The following CCDC181 variants were observed in gnomAD, a reference collection of about 807,000 sequenced individuals.
The protein encoded by CCDC181 is coiled-coil domain containing 181.
A neutral mutation model predicts 58.7 loss-of-function variants in CCDC181; 35 were observed. That is an observed-to-expected ratio of 0.60 (90% CI 0.46 to 0.79). The LOEUF is 0.79. Among genes scored for constraint, CCDC181 ranks in the 30% least tolerant of loss-of-function variants. CCDC181 has a pLI of 0.00. For synonymous variants in CCDC181, 183 were observed against 197.5 expected (o/e 0.93, Z 0.62); for missense variants, 517 against 583.9 (o/e 0.89, Z 1.18).
At chr1:169,458,951 T>A (rs1056676066) in intron 2 of CCDC181, among the ~76,000 whole-genome samples, 2 of 152,030 alleles carry the variant, frequency 1.3e-5, no homozygotes, top group African/African-American at 4.8e-5. Context: ...TGTGGTTTCT[T>A]GGGGGTTGTA....
At chr1:169,417,225 C>T (rs1335897288) in intron 4 of CCDC181, among the ~76,000 whole-genome samples, 2 of 152,122 alleles carry the variant, frequency 1.3e-5, no homozygotes, top group Non-Finnish European at 2.9e-5. Context: ...AGGGCTCAAT[C>T]CCTCAAGATT....
chr1:169,398,578 C>G (rs1344570161), intron 4 of CCDC181, among the ~76,000 whole-genome samples: 1 of 138,998 alleles, frequency 7.2e-6, no homozygotes, highest in East Asian at 2.5e-4. Flanking sequence ...AAGGTTCCCT[C>G]TCTCACACAT....
At chr1:169,420,511 G>C (rs1656408797) in intron 3 of CCDC181, among the ~76,000 whole-genome samples, 1 of 151,602 alleles carries the variant, frequency 6.6e-6, no homozygotes. Context: ...CCAGAGAACT[G>C]GAAATTTTTA....
intron 2 of CCDC181, among the ~76,000 whole-genome samples, chr1:169,457,527 A>G (rs1481125919): frequency 2.0e-5 from 3 of 152,174 alleles, no homozygotes; most frequent in Non-Finnish European, 4.4e-5. Context: ...CAATTTTACC[A>G]TAGGCTAATT....
At chr1:169,402,575 G>A (rs1441183107) in intron 4 of CCDC181, among the ~76,000 whole-genome samples, 1 of 152,080 alleles carries the variant, frequency 6.6e-6, no homozygotes, top group Non-Finnish European at 1.5e-5. Context: ...AAGTGAAGGA[G>A]AAATAAAATA....
At chr1:169,436,638 CA>C (rs1657062144) in intron 2 of CCDC181, among the ~76,000 whole-genome samples, 1 of 152,178 alleles carries the variant, frequency 6.6e-6, no homozygotes, top group Non-Finnish European at 1.5e-5. Flanking sequence ...CATTAAATTG[CA>C]ATATCGTACA....
chr1:169,432,492 A>G (rs954608912), intron 2 of CCDC181, among the ~76,000 whole-genome samples: 41 of 152,162 alleles, frequency 2.7e-4, no homozygotes, highest in Admixed American at 3.3e-4. Flanking sequence ...CAGAAGCTCA[A>G]TGTACTCCAA....
chr1:169,460,529 A>T (rs1356923751), exon 1 of CCDC181: 1 of 152,352 alleles, frequency 6.6e-6, no homozygotes, highest in Non-Finnish European at 1.5e-5. Context: ...GCACGCGGAG[A>T]AGGGGTAGGT....
chr1:169,421,519 A>G lies in CCDC181; in HGVS notation c.912T>C (p.Ser304=), dbSNP rs1194945666. The part of the protein sequence containing the change: ...PPLNRKTCPS[S]AVNSDRSKGN... ...CTTTACTTCGATCTGAGTTGACAGC[A>G]GAGCTTGGACAAGTCTTGCGGTTGA... The change falls in exon 3 of 6, where the codon TCT becomes TCC. Residue 304 remains serine, a synonymous_variant. Coordinates refer to ENST00000367806, the MANE Select transcript of CCDC181 (RefSeq NM_001300969.2). The G allele has an allele frequency of 6.2e-7, 1 of 1,614,140 alleles. No individual in the cohort carries two copies. Among genetic ancestry groups the G allele is most frequent in the East Asian group, 2.2e-5 (1 of 44,880 alleles).
intron 4 of CCDC181, 64 bp from the exon 5 acceptor site, chr1:169,397,455 T>C (rs1655113068): frequency 1.5e-6 from 2 of 1,374,044 alleles, no homozygotes; most frequent in East Asian, 2.4e-5. Flanking sequence ...AAGCCCTGCT[T>C]ATGGGATCCT....
chr1:169,401,335 A>G lies in CCDC181; in HGVS notation c.1216-3944T>C, dbSNP rs1655336297. Among the ~76,000 whole-genome samples, 4 of 152,218 alleles carry G rather than the reference A, an allele frequency of 2.6e-5. No homozygotes were observed. In the South Asian group the frequency reaches 8.3e-4, roughly 31 times the overall value. ...CAGCACGGAGTTTGAGATCTGAGAAAGGACAGACTGCCTCCTCAAGTGGGT... is the reference window on the plus strand; with the variant it reads ...CAGCACGGAGTTTGAGATCTGAGAAGGGACAGACTGCCTCCTCAAGTGGGT... On this transcript the variant is annotated intron_variant, in intron 4 of 5. Coordinates refer to ENST00000367806, the MANE Select transcript of CCDC181 (RefSeq NM_001300969.2).
At chr1:169,436,885 C>T (rs529966485) in intron 2 of CCDC181, among the ~76,000 whole-genome samples, 1 of 152,140 alleles carries the variant, frequency 6.6e-6, no homozygotes, top group East Asian at 1.9e-4. Context: ...AAAGGGAGCA[C>T]AGTGTGACAC....
chr1:169,443,071 A>C (rs918546302), intron 2 of CCDC181: 2 of 151,680 alleles, frequency 1.3e-5, no homozygotes, highest in African/African-American at 4.8e-5. Context: ...AATATGCCTA[A>C]CTATCAAAAA....
In CCDC181 at chr1:169,397,148, GT is replaced by G. The variant is rs377018153; in HGVS notation, c.1370+88del. 1.4e-3 allele frequency: 1,564 copies of G among 1,132,366 alleles called. 2 individuals are homozygous for G. Among genetic ancestry groups the G allele is most frequent in the African/African-American group, 6.0e-3 (374 of 62,328 alleles). 70.1% of individuals were successfully genotyped at this position (1,132,366 alleles called of 1,614,324 possible). On this transcript the variant is annotated intron_variant, in intron 5 of 5. Transcript: ENST00000367806. ...TGCTGTAAGAGAAAACATTTTGAGG[GT>G]TTTTTTTTTCCAATCTTAATTGATG...
chr1:169,398,552 T>C (rs531767575), intron 4 of CCDC181, among the ~76,000 whole-genome samples: 11 of 152,246 alleles, frequency 7.2e-5, no homozygotes, highest in African/African-American at 2.6e-4. Flanking sequence ...AAGTACTGGG[T>C]TGCATTAATA....
At chr1:169,421,330 T>C (rs1193540832) in intron 3 of CCDC181, 33 bp downstream of exon 3, 3 of 1,480,812 alleles carry the variant, frequency 2.0e-6, no homozygotes, top group Non-Finnish European at 2.8e-6. Flanking sequence ...AAACATACTC[T>C]ACTTTTAATA....
At chr1:169,456,206 C>G (rs1657671936) in intron 2 of CCDC181, among the ~76,000 whole-genome samples, 1 of 152,038 alleles carries the variant, frequency 6.6e-6, no homozygotes, top group African/African-American at 2.4e-5. Flanking sequence ...AGGAACCTTG[C>G]CGAACTATTC....
At chr1:169,407,793 G>A (rs1448700759) in intron 4 of CCDC181, among the ~76,000 whole-genome samples, 1 of 152,182 alleles carries the variant, frequency 6.6e-6, no homozygotes, top group African/African-American at 2.4e-5. Flanking sequence ...GCCGAGGCAG[G>A]GTGAAGCGTC....
intron 4 of CCDC181, among the ~76,000 whole-genome samples, chr1:169,413,935 G>A (rs1656099224): frequency 6.6e-6 from 1 of 152,004 alleles, no homozygotes; most frequent in Non-Finnish European, 1.5e-5. Flanking sequence ...GGGTTGATGG[G>A]TACAGCAAAT....
Sources: gnomAD v4.1 joint callset for allele counts (sites outside exome capture counted in the v4.1 genomes callset) on GRCh38, gnomAD v4.1.1 for gene constraint, MANE v1.5 for transcripts, NCBI Gene and HGNC (gene_info 2026-07-23, HGNC 2026-07-21) for gene names.